The following TBC1D1 variants were observed in gnomAD, a reference collection of about 807,000 sequenced individuals.
TBC1D1 encodes the protein TBC1 domain family member 1.
A neutral mutation model predicts 125.6 loss-of-function variants in TBC1D1; 89 were observed. The ratio of observed to expected loss-of-function variants is 0.71; its 90% CI spans 0.60 to 0.85. TBC1D1 has a LOEUF of 0.85. Ranked by LOEUF, TBC1D1 falls within the 40% of genes least tolerant of loss-of-function variation. The pLI is 0.00. For synonymous variants in TBC1D1, 565 were observed against 564.1 expected (o/e 1.00, Z -0.02); for missense variants, 1,377 against 1,469.2 (o/e 0.94, Z 1.03).
At chr4:37,966,658 T>C (rs547356195) in intron 2 of TBC1D1, among the ~76,000 whole-genome samples, 5 of 152,236 alleles carry the variant, frequency 3.3e-5, no homozygotes, top group African/African-American at 1.2e-4. Context: ...ATACTTTAAG[T>C]TCTAGGATAC....
intron 1 of TBC1D1, among the ~76,000 whole-genome samples, chr4:37,898,687 T>G (rs1715163635): frequency 6.6e-6 from 1 of 152,192 alleles, no homozygotes; most frequent in Non-Finnish European, 1.5e-5. Flanking sequence ...CTACTGTGAC[T>G]GCCCTGAGTA....
chr4:37,915,338 G>T (rs572947807), intron 2 of TBC1D1, among the ~76,000 whole-genome samples: 6 of 152,244 alleles, frequency 3.9e-5, no homozygotes, highest in South Asian at 4.1e-4. Flanking sequence ...CTCATGATCT[G>T]CCATTTGCAA....
At chr4:37,931,281 GA>G (rs542734016) in intron 2 of TBC1D1, among the ~76,000 whole-genome samples, 2 of 151,926 alleles carry the variant, frequency 1.3e-5, no homozygotes, top group South Asian at 4.2e-4. Context: ...ATTTCTAGTA[GA>G]GACAGGGTTT....
rs184219539 is a variant in TBC1D1, at chr4:37,923,459, G to A, written c.417+20947G>A. ...AGTAGAATGATTTATAATCCTTTGGGTATATACCCAGTAATGGGATTGCTG... is the reference window on the plus strand; with the variant it reads ...AGTAGAATGATTTATAATCCTTTGGATATATACCCAGTAATGGGATTGCTG... On this transcript the variant is annotated intron_variant, in intron 2 of 19. Transcript: ENST00000261439. Among the ~76,000 whole-genome samples the A allele has an allele frequency of 1.5e-3, 224 of 152,196 alleles. 1 individual carries two copies. The highest frequency in any genetic ancestry group is 5.1e-3 in the African/African-American group (210 of 41,506).
intron 2 of TBC1D1, among the ~76,000 whole-genome samples, chr4:37,993,836 C>T (rs1005385105): frequency 1.3e-5 from 2 of 152,244 alleles, no homozygotes; most frequent in African/African-American, 4.8e-5. Flanking sequence ...CCCACCTTGA[C>T]CTCCCAAAGT....
At chr4:37,895,753 T>C (rs184444270) in intron 1 of TBC1D1, among the ~76,000 whole-genome samples, 1 of 152,256 alleles carries the variant, frequency 6.6e-6, no homozygotes, top group African/African-American at 2.4e-5. Context: ...AAAGCATCAT[T>C]ACTTTACATG....
At chr4:37,985,876 T>A (rs1179041016) in intron 2 of TBC1D1, among the ~76,000 whole-genome samples, 1 of 152,218 alleles carries the variant, frequency 6.6e-6, no homozygotes, top group East Asian at 1.9e-4. Context: ...GACTAGAAGA[T>A]GAGGTCTGAG....
chr4:37,906,642 T>A (rs187544564), intron 2 of TBC1D1, among the ~76,000 whole-genome samples: 2 of 152,358 alleles, frequency 1.3e-5, no homozygotes, highest in South Asian at 2.1e-4. Flanking sequence ...CAAACTGATG[T>A]CTTATCCTTC....
At chr4:37,955,870 C>CCAGCTGGAA (rs1728833035) in intron 2 of TBC1D1, among the ~76,000 whole-genome samples, 1 of 150,434 alleles carries the variant, frequency 6.6e-6, no homozygotes, top group Non-Finnish European at 1.5e-5. Flanking sequence ...GCCGTGGTGT[C>CCAGCTGGAA]TCACGCCTGT....
chr4:38,085,293 C>T (rs1757299328), intron 12 of TBC1D1, among the ~76,000 whole-genome samples: 1 of 152,136 alleles, frequency 6.6e-6, no homozygotes, highest in African/African-American at 2.4e-5. Context: ...TTCTTAGAAC[C>T]CATTGGAGGC....
intron 2 of TBC1D1, among the ~76,000 whole-genome samples, chr4:37,921,747 TG>T (rs931391547): frequency 3.3e-5 from 5 of 151,948 alleles, no homozygotes; most frequent in African/African-American, 1.2e-4. Context: ...TCCTGTTTTT[TG>T]GGGGCTAGGG....
chr4:38,045,032 C>A (rs968067388), intron 9 of TBC1D1, among the ~76,000 whole-genome samples: 10 of 152,160 alleles, frequency 6.6e-5, no homozygotes, highest in African/African-American at 2.4e-4. Flanking sequence ...ACACTATATG[C>A]CTCACAAAGC....
intron 8 of TBC1D1, among the ~76,000 whole-genome samples, chr4:38,037,537 A>T (rs760194562): frequency 3.9e-5 from 6 of 152,094 alleles, no homozygotes; most frequent in Non-Finnish European, 5.9e-5. Context: ...CAGCCTTGAG[A>T]TTCACTGATA....
intron 15 of TBC1D1, among the ~76,000 whole-genome samples, chr4:38,111,671 A>G (rs1225860160): frequency 1.3e-5 from 2 of 152,182 alleles, no homozygotes; most frequent in East Asian, 1.9e-4. Flanking sequence ...GCACAGATCT[A>G]TAGTAGGAAA....
intron 8 of TBC1D1, among the ~76,000 whole-genome samples, chr4:38,040,815 T>G (rs1748216232): frequency 6.6e-6 from 1 of 152,128 alleles, no homozygotes; most frequent in Non-Finnish European, 1.5e-5. Flanking sequence ...TGCAACAGAT[T>G]CTGTGCACCT....
chr4:37,940,645 C>A (rs1560506039), intron 2 of TBC1D1, among the ~76,000 whole-genome samples: 1 of 152,134 alleles, frequency 6.6e-6, no homozygotes, highest in Non-Finnish European at 1.5e-5. Flanking sequence ...ATTCAGTATG[C>A]TATTGGCTGT....
intron 8 of TBC1D1, among the ~76,000 whole-genome samples, chr4:38,036,804 G>A (rs989895806): frequency 6.6e-6 from 1 of 152,198 alleles, no homozygotes; most frequent in African/African-American, 2.4e-5. Flanking sequence ...TATATGACCT[G>A]TGTTTTTTGG....
chr4:38,105,157 C>G (rs1235750261), intron 15 of TBC1D1, among the ~76,000 whole-genome samples: 3 of 152,048 alleles, frequency 2.0e-5, no homozygotes, highest in Non-Finnish European at 4.4e-5. Flanking sequence ...CTTGCTAAGC[C>G]CCCTGTAGCA....
chr4:37,916,852 C>T (rs75636080), intron 2 of TBC1D1, among the ~76,000 whole-genome samples: 2 of 152,050 alleles, frequency 1.3e-5, no homozygotes, highest in Admixed American at 6.5e-5. Flanking sequence ...CACACTGCAA[C>T]CCCTGCTTCC....
Sources: allele counts gnomAD v4.1 joint callset (sites outside exome capture counted in the v4.1 genomes callset), GRCh38; gene constraint gnomAD v4.1.1; transcripts MANE v1.5; gene names NCBI Gene and HGNC (gene_info 2026-07-23, HGNC 2026-07-21).